DPP10: variants seen among roughly 807,000 people sequenced by gnomAD.
DPP10 encodes dipeptidyl peptidase like 10.
Under a neutral mutation model 120.9 loss-of-function variants are expected in DPP10, and 33 were observed. The observed-to-expected ratio is 0.27, with a 90% CI of 0.21 to 0.37. The LOEUF (loss-of-function observed/expected upper bound fraction) is 0.37, where lower values mean the gene tolerates loss of function less well. DPP10 is among the 10% of genes least tolerant of loss of function. DPP10 has a pLI of 1.00. For missense variants in DPP10, 816 were observed against 942.8 expected, an observed-to-expected ratio of 0.87 and a Z score of 1.76; for synonymous variants, 337 against 326.1, an observed-to-expected ratio of 1.03 and a Z score of -0.36.
chr2:115,551,637 C>A (rs991346046), intron 5 of DPP10, among the ~76,000 whole-genome samples: 1 of 152,132 alleles, frequency 6.6e-6, no homozygotes, highest in Admixed American at 6.6e-5. Context: ...CCAGTTTGAT[C>A]TTCTGCCTCT....
At chr2:114,962,725 T>C (rs930398320) in intron 1 of DPP10, among the ~76,000 whole-genome samples, 1 of 152,326 alleles carries the variant, frequency 6.6e-6, no homozygotes, top group Non-Finnish European at 1.5e-5. Flanking sequence ...ATTAGCATAA[T>C]CTACTTATGG....
At chr2:115,497,680 G>C (rs1236185707) in intron 3 of DPP10, among the ~76,000 whole-genome samples, 2 of 151,950 alleles carry the variant, frequency 1.3e-5, no homozygotes, top group African/African-American at 4.8e-5. Context: ...AATTCATAGA[G>C]GGAATAGAAG....
Position 114,897,159 on chromosome 2 carries a change from T to C in DPP10, c.61-412080T>C, listed in dbSNP as rs1483572245. Among the ~76,000 whole-genome samples the C allele has an allele frequency of 1.1e-4, 16 of 152,362 alleles. No individual in the cohort carries two copies. The East Asian group carries it at 2.9e-3, about 28-fold the overall frequency. ...TTGCCAGTATTTTATTGAGGATTTTTGCATCAATGTTCATCAAGGATATTG... is the reference window on the plus strand; with the variant it reads ...TTGCCAGTATTTTATTGAGGATTTTCGCATCAATGTTCATCAAGGATATTG... On this transcript the variant is annotated intron_variant, in intron 1 of 25. Coordinates refer to ENST00000410059, the MANE Select transcript of DPP10 (RefSeq NM_020868.6).
At chr2:114,979,341 A>T (rs1699947210) in intron 1 of DPP10, among the ~76,000 whole-genome samples, 1 of 151,956 alleles carries the variant, frequency 6.6e-6, no homozygotes, top group East Asian at 1.9e-4. Context: ...TATATGACAG[A>T]TCCCATCAGT....
intron 1 of DPP10, among the ~76,000 whole-genome samples, chr2:115,288,432 A>C (rs2060494332): frequency 6.6e-6 from 1 of 151,914 alleles, no homozygotes; most frequent in South Asian, 2.1e-4. Context: ...AAAACCCTCA[A>C]CCTGGTCAGG....
chr2:115,251,776 G>A (rs1173085742), intron 1 of DPP10, among the ~76,000 whole-genome samples: 1 of 152,182 alleles, frequency 6.6e-6, no homozygotes, highest in African/African-American at 2.4e-5. Context: ...AAATATGATA[G>A]AAAATGTTCT....
intron 1 of DPP10, among the ~76,000 whole-genome samples, chr2:115,130,320 C>T (rs2050276603): frequency 6.6e-6 from 1 of 152,122 alleles, no homozygotes; most frequent in Admixed American, 6.5e-5. Flanking sequence ...TCTCTGTCAC[C>T]TTTGACACTG....
intron 1 of DPP10, among the ~76,000 whole-genome samples, chr2:114,866,055 T>G (rs560333815): frequency 1.3e-5 from 2 of 151,952 alleles, no homozygotes; most frequent in African/African-American, 4.8e-5. Flanking sequence ...GAGGTTGCAG[T>G]GAGCTGAGAT....
intron 1 of DPP10, among the ~76,000 whole-genome samples, chr2:115,055,742 G>C (rs546690315): frequency 2.0e-5 from 3 of 152,084 alleles, no homozygotes; most frequent in Admixed American, 6.5e-5. Flanking sequence ...ATGAAGAGCC[G>C]ACTGCATTTT....
At chr2:115,602,185 AATG>A (rs2083369533) in intron 5 of DPP10, among the ~76,000 whole-genome samples, 1 of 152,246 alleles carries the variant, frequency 6.6e-6, no homozygotes, top group South Asian at 2.1e-4. Flanking sequence ...TACTCCAGGC[AATG>A]ATGACTCTCA....
At chr2:115,345,310 A>G (rs2063656867) in intron 3 of DPP10, among the ~76,000 whole-genome samples, 1 of 152,164 alleles carries the variant, frequency 6.6e-6, no homozygotes, top group Admixed American at 6.5e-5. Context: ...TACTGTGATT[A>G]TTTCACATAT....
At chr2:115,037,097 A>G (rs1434163310) in intron 1 of DPP10, among the ~76,000 whole-genome samples, 1 of 152,202 alleles carries the variant, frequency 6.6e-6, no homozygotes, top group Non-Finnish European at 1.5e-5. Context: ...AATACAGATC[A>G]TGTGAGATTC....
chr2:115,715,949 A>G (rs1160058417), intron 7 of DPP10, among the ~76,000 whole-genome samples: 2 of 152,232 alleles, frequency 1.3e-5, no homozygotes, highest in Non-Finnish European at 2.9e-5. Context: ...GTCTTCTCCA[A>G]TGAACAAGCA....
chr2:114,563,470 C>T lies in DPP10; in HGVS notation c.60+120632C>T, dbSNP rs150088183. The stretch of plus-strand genomic sequence containing the variant: ...AATCTAGACTTCCAAAATGACAGAC[C>T]GAGGAATGGGCATGCCTTGAATTTT... On this transcript the variant is annotated intron_variant, in intron 1 of 25. Coordinates refer to ENST00000410059, the MANE Select transcript of DPP10 (RefSeq NM_020868.6). 1.6e-3 allele frequency among the ~76,000 whole-genome samples: 248 copies of T among 152,088 alleles called. 2 individuals are homozygous for T. Among genetic ancestry groups the T allele is most frequent in the African/African-American group, 5.8e-3 (240 of 41,490 alleles).
At chr2:114,846,382 A>T (rs1240694877) in intron 1 of DPP10, among the ~76,000 whole-genome samples, 1 of 152,142 alleles carries the variant, frequency 6.6e-6, no homozygotes, top group Non-Finnish European at 1.5e-5. Flanking sequence ...TTTGATTATA[A>T]AGTGTCAGAA....
At chr2:114,756,550 T>G (rs1679766247) in intron 1 of DPP10, among the ~76,000 whole-genome samples, 1 of 152,232 alleles carries the variant, frequency 6.6e-6, no homozygotes, top group Non-Finnish European at 1.5e-5. Flanking sequence ...AATTTCACAC[T>G]GGTTCTCAGT....
At chr2:115,417,806 T>C (rs1001870783) in intron 3 of DPP10, among the ~76,000 whole-genome samples, 3 of 152,206 alleles carry the variant, frequency 2.0e-5, no homozygotes, top group African/African-American at 7.2e-5. Context: ...AGTTAAAACA[T>C]TTGTCTTTTC....
intron 1 of DPP10, among the ~76,000 whole-genome samples, chr2:114,467,742 G>A (rs540236739): frequency 1.8e-4 from 28 of 152,324 alleles, no homozygotes; most frequent in Admixed American, 1.0e-3. Flanking sequence ...GCTCACGCTT[G>A]TAATCCCAGC....
intron 3 of DPP10, among the ~76,000 whole-genome samples, chr2:115,346,459 G>T (rs528873142): frequency 2.6e-5 from 4 of 152,100 alleles, no homozygotes; most frequent in Non-Finnish European, 5.9e-5. Context: ...AGGTTATAGT[G>T]AGGCGATGCC....
Sources: allele counts gnomAD v4.1 joint callset (sites outside exome capture counted in the v4.1 genomes callset), GRCh38; gene constraint gnomAD v4.1.1; transcripts MANE v1.5; gene names NCBI Gene and HGNC (gene_info 2026-07-23, HGNC 2026-07-21).